Variants in CACNA2D3 observed in about 807,000 individuals in gnomAD.
CACNA2D3 encodes calcium voltage-gated channel auxiliary subunit alpha2delta 3, also known as voltage-dependent calcium channel subunit alpha-2/delta-3.
In CACNA2D3, 60 loss-of-function variants were observed where a neutral mutation model predicts 160.6. That is an observed-to-expected ratio of 0.37 (90% CI 0.30 to 0.46). The LOEUF is 0.46. Ranked by LOEUF, CACNA2D3 falls within the 20% of genes least tolerant of loss-of-function variation. The pLI, the probability that CACNA2D3 is intolerant of heterozygous loss-of-function variation, is 1.00. For synonymous variants in CACNA2D3, 558 were observed against 492.9 expected (o/e 1.13, Z -1.75); for missense variants, 1,205 against 1,365.0 (o/e 0.88, Z 1.85).
intron 11 of CACNA2D3, among the ~76,000 whole-genome samples, chr3:54,723,786 C>T (rs1022357022): frequency 6.6e-6 from 1 of 152,212 alleles, no homozygotes; most frequent in Non-Finnish European, 1.5e-5. Context: ...CCACCTTCTG[C>T]GTTGATCTCA....
At chr3:54,534,978 C>A (rs1701865298) in intron 5 of CACNA2D3, among the ~76,000 whole-genome samples, 1 of 152,156 alleles carries the variant, frequency 6.6e-6, no homozygotes, top group Non-Finnish European at 1.5e-5. Flanking sequence ...CTCCGTCATT[C>A]CCAATTCTTC....
chr3:55,018,324 C>A lies in CACNA2D3; in HGVS notation c.2987+7C>A. ...CTTGTGAAGACTGCTCCAAGTAAGCCATCCCCCCACCCTCTAACCCCCTAC... is the reference window on the plus strand; with the variant it reads ...CTTGTGAAGACTGCTCCAAGTAAGCAATCCCCCCACCCTCTAACCCCCTAC... On this transcript the variant is annotated splice_region_variant and intron_variant, in intron 35 of 37. Transcript: ENST00000474759. 1.9e-6 allele frequency: 3 copies of A among 1,549,500 alleles called. No homozygotes were observed. The highest frequency in any genetic ancestry group is 2.7e-6 in the Non-Finnish European group (3 of 1,122,606).
chr3:54,884,770 T>C (rs906043960), intron 21 of CACNA2D3, among the ~76,000 whole-genome samples: 2 of 152,198 alleles, frequency 1.3e-5, no homozygotes, highest in African/African-American at 4.8e-5. Context: ...AACAGTTGAG[T>C]ATTGACGACT....
intron 4 of CACNA2D3, among the ~76,000 whole-genome samples, chr3:54,458,013 T>A (rs910347363): frequency 3.9e-5 from 6 of 152,106 alleles, no homozygotes; most frequent in Non-Finnish European, 8.8e-5. Flanking sequence ...TATAGTTGGG[T>A]TGTATTTTTG....
At chr3:54,812,195 T>A (rs1703335783) in intron 13 of CACNA2D3, among the ~76,000 whole-genome samples, 2 of 152,218 alleles carry the variant, frequency 1.3e-5, no homozygotes, top group South Asian at 4.1e-4. Context: ...GCATACCTCA[T>A]TGGCCACGAC....
intron 11 of CACNA2D3, among the ~76,000 whole-genome samples, chr3:54,671,242 A>G (rs1700155145): frequency 6.6e-6 from 1 of 151,456 alleles, no homozygotes. Flanking sequence ...TTTGGATCTC[A>G]TTAAGTCAAA....
intron 5 of CACNA2D3, among the ~76,000 whole-genome samples, chr3:54,525,177 T>G (rs1349850999): frequency 2.6e-5 from 4 of 152,158 alleles, no homozygotes; most frequent in Non-Finnish European, 5.9e-5. Flanking sequence ...TTTCTGGATA[T>G]TTTTATTTAT....
chr3:54,666,865 C>A (rs567458220), intron 11 of CACNA2D3, among the ~76,000 whole-genome samples: 4 of 152,294 alleles, frequency 2.6e-5, no homozygotes, highest in Non-Finnish European at 5.9e-5. Context: ...GTACTTTGTG[C>A]TATCAAATTC....
chr3:54,885,154 A>G (rs1699892489), intron 21 of CACNA2D3, 127 bp from the exon 22 acceptor site: 2 of 828,094 alleles, frequency 2.4e-6, no homozygotes, highest in Non-Finnish European at 4.0e-6. Context: ...TGCTGCTCCA[A>G]GGCAGGTCCC....
At chr3:54,183,420 A>G (rs879333494) in intron 2 of CACNA2D3, among the ~76,000 whole-genome samples, 21 of 152,062 alleles carry the variant, frequency 1.4e-4, no homozygotes, top group Non-Finnish European at 2.4e-4. Context: ...TTAGTGTCAC[A>G]TAGCTGATTG....
At chr3:54,310,424 G>A (rs1358965592) in intron 2 of CACNA2D3, among the ~76,000 whole-genome samples, 1 of 152,190 alleles carries the variant, frequency 6.6e-6, no homozygotes, top group Admixed American at 6.5e-5. Flanking sequence ...AGGAGAGACT[G>A]CAGAATTATA....
At chr3:54,261,010 T>A (rs977198055) in intron 2 of CACNA2D3, among the ~76,000 whole-genome samples, 1 of 152,214 alleles carries the variant, frequency 6.6e-6, no homozygotes, top group Non-Finnish European at 1.5e-5. Context: ...GTAAACATCA[T>A]GAGAATGAGG....
At chr3:54,483,114 G>A (rs113210164) in intron 4 of CACNA2D3, among the ~76,000 whole-genome samples, 140 of 152,298 alleles carry the variant, frequency 9.2e-4, no homozygotes, top group African/African-American at 3.2e-3. Flanking sequence ...GAGAGCATGC[G>A]ATTGCTATTT....
At chr3:54,832,692 G>C (rs192989251) in intron 14 of CACNA2D3, among the ~76,000 whole-genome samples, 25 of 152,314 alleles carry the variant, frequency 1.6e-4, no homozygotes, top group Admixed American at 1.2e-3. Flanking sequence ...CACCGAATGA[G>C]AGCCAGCATG....
At chr3:54,822,787 TTTCCTTTCTTTCTTTCTTTCTTTC>T (rs1703651166) in intron 14 of CACNA2D3, among the ~76,000 whole-genome samples, 3 of 70,714 alleles carry the variant, frequency 4.2e-5, no homozygotes, top group South Asian at 5.8e-4. Context: ...TCTTTCTTTC[TTTCCTTTCTTTCTTTCTTTCTTTC>T]TTTCTTTCTT....
At chr3:54,439,465 T>C (rs998051901) in intron 4 of CACNA2D3, among the ~76,000 whole-genome samples, 7 of 152,202 alleles carry the variant, frequency 4.6e-5, no homozygotes, top group Non-Finnish European at 8.8e-5. Flanking sequence ...CAAGCACTTA[T>C]GGCTTTCCTG....
At chr3:54,440,748 G>A (rs897173276) in intron 4 of CACNA2D3, among the ~76,000 whole-genome samples, 5 of 151,944 alleles carry the variant, frequency 3.3e-5, no homozygotes, top group Non-Finnish European at 5.9e-5. Context: ...TTGGTTTTTT[G>A]TCCTTGCGAT....
chr3:54,403,653 A>T (rs1047239822), intron 4 of CACNA2D3, among the ~76,000 whole-genome samples: 1 of 152,160 alleles, frequency 6.6e-6, no homozygotes, highest in African/African-American at 2.4e-5. Context: ...AAAAATCAGA[A>T]CAGAAATAAA....
intron 4 of CACNA2D3, among the ~76,000 whole-genome samples, chr3:54,419,435 G>A (rs1699805653): frequency 6.6e-6 from 1 of 152,194 alleles, no homozygotes. Flanking sequence ...TTATATATGA[G>A]TAGAGAAACA....
Sources: gnomAD v4.1 joint callset for allele counts (sites outside exome capture counted in the v4.1 genomes callset) on GRCh38, gnomAD v4.1.1 for gene constraint, MANE v1.5 for transcripts, NCBI Gene and HGNC (gene_info 2026-07-23, HGNC 2026-07-21) for gene names.